SORCS3: variants seen among roughly 807,000 people sequenced by gnomAD.
SORCS3 encodes sortilin related VPS10 domain containing receptor 3.
SORCS3 carries 57 observed loss-of-function variants against 146.3 expected under a neutral mutation model. That is an observed-to-expected ratio of 0.39 (90% CI 0.31 to 0.49). The LOEUF is 0.49. Among genes scored for constraint, SORCS3 ranks in the 20% least tolerant of loss-of-function variants. The probability of loss-of-function intolerance (pLI) is 0.92; values close to 1 mark genes in which losing one functional copy is unlikely to be tolerated. For missense variants in SORCS3, 1,341 were observed against 1,575.5 expected (o/e 0.85, Z 2.52); for synonymous variants, 653 against 618.5 (o/e 1.06, Z -0.83).
chr10:105,087,487 G>GAA (rs59554883), intron 5 of SORCS3, among the ~76,000 whole-genome samples: 1,439 of 142,222 alleles, frequency 0.01, 15 homozygotes, highest in African/African-American at 0.029. Flanking sequence ...TCTCTTCTGG[G>GAA]AAAAAAAAAA....
At chr10:104,719,990 T>A (rs111757773) in intron 1 of SORCS3, among the ~76,000 whole-genome samples, 26 of 151,816 alleles carry the variant, frequency 1.7e-4, no homozygotes, top group East Asian at 5.8e-4. Flanking sequence ...TTTTTTTTTT[T>A]TATACTTTAA....
chr10:105,041,408 A>ATAT (rs908938829), intron 4 of SORCS3, among the ~76,000 whole-genome samples: 13 of 145,874 alleles, frequency 8.9e-5, no homozygotes, highest in Admixed American at 7.0e-4. Context: ...AGGATTAAAA[A>ATAT]AAATATATAT....
chr10:105,232,996 C>T (rs971818246), intron 20 of SORCS3, among the ~76,000 whole-genome samples: 1 of 151,920 alleles, frequency 6.6e-6, no homozygotes, highest in African/African-American at 2.4e-5. Context: ...GTGTATTCTG[C>T]TGTTGTCTGA....
At chr10:104,668,642 A>G (rs115714193) in intron 1 of SORCS3, among the ~76,000 whole-genome samples, 2,777 of 152,294 alleles carry the variant, frequency 0.018, 93 homozygotes, top group African/African-American at 0.064. Flanking sequence ...AGTGGGTCAA[A>G]TGTACCATTT....
rs2056935005 is a variant in SORCS3 at position 105,256,934 on chromosome 10, A to G, written c.3443+10A>G. 1.3e-6 allele frequency: 2 copies of G among 1,589,336 alleles called. No homozygotes were observed. Among genetic ancestry groups the G allele is most frequent in the African/African-American group, 1.3e-5 (1 of 74,552 alleles). On this transcript the variant is annotated intron_variant, in intron 25 of 26. Transcript: ENST00000369701. Reference sequence around the variant, plus strand: ...TCTACAAGTTTAAAAGGTATGTCCTATTATCACTCAATTTAGTAGTGGGGT... The same window carrying G: ...TCTACAAGTTTAAAAGGTATGTCCTGTTATCACTCAATTTAGTAGTGGGGT...
Position 104,696,248 on chromosome 10 carries a change from G to GATACATATCATATACACATATA in SORCS3, c.627+54297_627+54298insCATATCATATACACATATAATA, listed in dbSNP as rs2016186352. Among the ~76,000 whole-genome samples, 2 of 31,380 alleles carry GATACATATCATATACACATATA rather than the reference G, an allele frequency of 6.4e-5. 1 individual carries two copies. Among genetic ancestry groups the GATACATATCATATACACATATA allele is most frequent in the Non-Finnish European group, 1.2e-4 (2 of 16,412 alleles). The allele number at this position is 31,380 out of a possible 152,430, so 20.6% of individuals were successfully genotyped here. ...TATAATATATATCATATACACATAT[G>GATACATATCATATACACATATA]ATATATGATATATATCATATACACA... On this transcript the variant is annotated intron_variant, in intron 1 of 26. Coordinates refer to ENST00000369701, the MANE Select transcript of SORCS3 (RefSeq NM_014978.3).
intron 22 of SORCS3, among the ~76,000 whole-genome samples, chr10:105,249,571 G>C (rs930630029): frequency 2.0e-5 from 3 of 152,178 alleles, no homozygotes; most frequent in African/African-American, 7.2e-5. Flanking sequence ...TTTACAAAGA[G>C]ACTATTCATA....
At chr10:104,845,172 T>C (rs2018189507) in intron 2 of SORCS3, among the ~76,000 whole-genome samples, 1 of 152,144 alleles carries the variant, frequency 6.6e-6, no homozygotes, top group African/African-American at 2.4e-5. Context: ...ATGAGGTCCT[T>C]CCCCAGGATT....
chr10:104,824,353 T>A (rs2017911511), intron 1 of SORCS3, among the ~76,000 whole-genome samples: 1 of 152,180 alleles, frequency 6.6e-6, no homozygotes, highest in African/African-American at 2.4e-5. Context: ...AGTTTCAAAT[T>A]TTTTTTGCAG....
At chr10:104,809,557 G>A (rs959280927) in intron 1 of SORCS3, among the ~76,000 whole-genome samples, 4 of 152,184 alleles carry the variant, frequency 2.6e-5, no homozygotes, top group Admixed American at 1.3e-4. Context: ...TATATTTAAA[G>A]CCTGGGGTGA....
At chr10:104,961,926 T>C (rs1483401592) in intron 3 of SORCS3, among the ~76,000 whole-genome samples, 1 of 152,142 alleles carries the variant, frequency 6.6e-6, no homozygotes, top group African/African-American at 2.4e-5. Context: ...CAGAGAACAT[T>C]GTTTAACCAA....
At chr10:104,833,561 C>A (rs745536249) in intron 1 of SORCS3, among the ~76,000 whole-genome samples, 3 of 152,176 alleles carry the variant, frequency 2.0e-5, no homozygotes, top group Non-Finnish European at 4.4e-5. Context: ...ATAGTAAACA[C>A]CACGTGGTGA....
intron 13 of SORCS3, among the ~76,000 whole-genome samples, chr10:105,168,667 A>G (rs2056334971): frequency 1.3e-5 from 2 of 152,148 alleles, no homozygotes; most frequent in African/African-American, 4.8e-5. Context: ...CTAATGCCAA[A>G]TCCAAGCTTC....
At chr10:105,131,816 A>T (rs949215863) in intron 7 of SORCS3, among the ~76,000 whole-genome samples, 3 of 152,062 alleles carry the variant, frequency 2.0e-5, no homozygotes, top group African/African-American at 7.2e-5. Flanking sequence ...CTTTTAAACA[A>T]CCAGATATCA....
chr10:104,749,657 C>G lies in SORCS3; in HGVS notation c.628-93135C>G, dbSNP rs552557789. ...GATGGGCCTTGAAAAGAGGAGGTAA[C>G]TTCCTCAAGGTTACACCACTAGTAT... On this transcript the variant is annotated intron_variant, in intron 1 of 26. Coordinates refer to ENST00000369701, the MANE Select transcript of SORCS3 (RefSeq NM_014978.3). Among the ~76,000 whole-genome samples, 3 of 152,164 alleles carry G rather than the reference C, an allele frequency of 2.0e-5. No individual in the cohort carries two copies. In the East Asian group the frequency reaches 5.8e-4, roughly 29 times the overall value.
At chr10:104,958,757 A>G (rs2054771458) in intron 3 of SORCS3, among the ~76,000 whole-genome samples, 1 of 152,192 alleles carries the variant, frequency 6.6e-6, no homozygotes, top group African/African-American at 2.4e-5. Context: ...AAAATGTTTA[A>G]CTGACTCACA....
intron 3 of SORCS3, among the ~76,000 whole-genome samples, chr10:104,968,400 G>A (rs1022849694): frequency 2.0e-5 from 3 of 152,198 alleles, no homozygotes; most frequent in Non-Finnish European, 4.4e-5. Context: ...ACAGGCATGA[G>A]CCACCGCGCC....
At chr10:105,059,775 G>A (rs2055470890) in intron 5 of SORCS3, among the ~76,000 whole-genome samples, 1 of 152,142 alleles carries the variant, frequency 6.6e-6, no homozygotes, top group Admixed American at 6.5e-5. Context: ...CACTGTAGCT[G>A]TGGCCCCTCA....
rs147049134 is a variant in SORCS3, at chr10:105,017,103, C to A, written c.955-25952C>A. 4.7e-4 allele frequency among the ~76,000 whole-genome samples: 72 copies of A among 152,060 alleles called. No individual in the cohort carries two copies. The East Asian group carries it at 0.013, about 27-fold the overall frequency. On this transcript the variant is annotated intron_variant, in intron 4 of 26. Coordinates refer to ENST00000369701, the MANE Select transcript of SORCS3 (RefSeq NM_014978.3). The stretch of plus-strand genomic sequence containing the variant: ...CCATGCTAGTAATATTTCCTTCTGC[C>A]ACTTTGGGTAATTATCAAAGTTATT...
Sources: allele counts gnomAD v4.1 joint callset (sites outside exome capture counted in the v4.1 genomes callset), GRCh38; gene constraint gnomAD v4.1.1; transcripts MANE v1.5; gene names NCBI Gene and HGNC (gene_info 2026-07-23, HGNC 2026-07-21).